The following KIF5C variants were observed in gnomAD, a reference collection of about 807,000 sequenced individuals.
KIF5C encodes kinesin heavy chain isoform 5C.
KIF5C carries 18 observed loss-of-function variants against 125.2 expected under a neutral mutation model. The observed-to-expected ratio is 0.14, with a 90% CI of 0.10 to 0.21. The LOEUF is 0.21. Among genes scored for constraint, KIF5C ranks in the 10% least tolerant of loss-of-function variants. The pLI, the probability that KIF5C is intolerant of heterozygous loss-of-function variation, is 1.00. For missense variants in KIF5C, 780 were observed against 1,183.8 expected, an observed-to-expected ratio of 0.66 and a Z score of 5.01; for synonymous variants, 405 against 434.0, an observed-to-expected ratio of 0.93 and a Z score of 0.83.
At chr2:149,004,653 A>G (rs1210283782) in intron 21 of KIF5C, among the ~76,000 whole-genome samples, 1 of 152,252 alleles carries the variant, frequency 6.6e-6, no homozygotes, top group East Asian at 1.9e-4. Flanking sequence ...AATGGCTTTT[A>G]TGTTATGAAA....
rs767616022 is a variant in KIF5C, at chr2:149,007,944, C to T, written c.2446-19C>T. 1.3e-6 allele frequency: 2 copies of T among 1,572,648 alleles called. No homozygotes were observed. Among genetic ancestry groups the T allele is most frequent in the South Asian group, 1.2e-5 (1 of 85,066 alleles). On this transcript the variant is annotated intron_variant, in intron 22 of 25. Transcript: ENST00000435030. ...GGTGGGTGACAGCCTGTCCTGCTGA[C>T]CCCTTGGTGTCAATGCAGAGTGTGG... is the stretch of plus-strand genomic sequence containing the variant.
intron 3 of KIF5C, among the ~76,000 whole-genome samples, chr2:148,932,799 G>A (rs147303941): frequency 3.3e-5 from 5 of 152,258 alleles, no homozygotes; most frequent in South Asian, 4.1e-4. Flanking sequence ...CTGAACGCAC[G>A]GTGCTCATGT....
rs1019768591 is a variant in KIF5C, at chr2:148,876,356, C to T, written c.126+613C>T. Reference sequence around the variant, plus strand: ...TGGTGGCCTCGGTGTCCCCTGGAGGCCTGGTGTGTCTCCCGCTTCCTCTCA... The same window carrying T: ...TGGTGGCCTCGGTGTCCCCTGGAGGTCTGGTGTGTCTCCCGCTTCCTCTCA... On this transcript the variant is annotated intron_variant, in intron 1 of 25. Coordinates refer to ENST00000435030, the MANE Select transcript of KIF5C (RefSeq NM_004522.3). The surrounding 1 kb of genome is among the most constrained non-coding windows in gnomAD (Gnocchi z 4.7). 6.6e-6 allele frequency among the ~76,000 whole-genome samples: 1 copy of T among 152,282 alleles called. No individual in the cohort carries two copies. Among genetic ancestry groups the T allele is most frequent in the South Asian group, 2.1e-4 (1 of 4,832 alleles).
intron 21 of KIF5C, among the ~76,000 whole-genome samples, chr2:149,001,660 T>C (rs1681854630): frequency 6.6e-6 from 1 of 152,222 alleles, no homozygotes; most frequent in African/African-American, 2.4e-5. Flanking sequence ...TTTCAGCTGC[T>C]CTGTGGGATA....
At chr2:148,987,039 TG>T (rs1232283532) in intron 15 of KIF5C, among the ~76,000 whole-genome samples, 1 of 152,208 alleles carries the variant, frequency 6.6e-6, no homozygotes, top group African/African-American at 2.4e-5. Context: ...TTTTTCATAA[TG>T]GGTTGCAGCC....
chr2:148,942,033 A>G (rs1682421684), intron 6 of KIF5C, 43 bp downstream of exon 6: 2 of 1,598,952 alleles, frequency 1.3e-6, no homozygotes, highest in Non-Finnish European at 1.7e-6. Flanking sequence ...ATTTCTCTCC[A>G]GTCTCTGTCA....
At chr2:148,899,767 C>G (rs1240686015) in intron 1 of KIF5C, among the ~76,000 whole-genome samples, 1 of 149,674 alleles carries the variant, frequency 6.7e-6, no homozygotes, top group African/African-American at 2.5e-5. Context: ...TACCAACAGA[C>G]TCCTTAAAAA....
Position 148,975,934 on chromosome 2 carries a change from T to A in KIF5C, c.1293+2423T>A, listed in dbSNP as rs181928962. 6.6e-5 allele frequency among the ~76,000 whole-genome samples: 10 copies of A among 152,240 alleles called. No individual in the cohort carries two copies. In the East Asian group the frequency reaches 1.9e-3, roughly 29 times the overall value. On this transcript the variant is annotated intron_variant, in intron 12 of 25. Coordinates refer to ENST00000435030, the MANE Select transcript of KIF5C (RefSeq NM_004522.3). ...TAAATATTAGCTTCCTTCTTTCTCC[T>A]GGGCTGGGCTGGGCTCTGCTTACTT...
chr2:148,990,176 G>A (rs1681487943), intron 15 of KIF5C, among the ~76,000 whole-genome samples: 1 of 152,176 alleles, frequency 6.6e-6, no homozygotes, highest in African/African-American at 2.4e-5. Flanking sequence ...TTCAGCGGAT[G>A]GGTTTCTATC....
chr2:148,951,273 T>G (rs1435861376), intron 10 of KIF5C, among the ~76,000 whole-genome samples: 1 of 152,174 alleles, frequency 6.6e-6, no homozygotes, highest in African/African-American at 2.4e-5. Context: ...GTAGGAGGTC[T>G]GGACTGTATG....
At chr2:148,891,397 T>TA (rs200850521) in intron 1 of KIF5C, among the ~76,000 whole-genome samples, 1 of 151,934 alleles carries the variant, frequency 6.6e-6, no homozygotes, top group Non-Finnish European at 1.5e-5. Context: ...TTTTTTTTTT[T>TA]ATTATTATTT....
intron 1 of KIF5C, among the ~76,000 whole-genome samples, chr2:148,909,335 T>C (rs1301975852): frequency 6.6e-6 from 1 of 152,260 alleles, no homozygotes; most frequent in Non-Finnish European, 1.5e-5. Context: ...GCCTCCAGGC[T>C]TCTGCTCTGA....
chr2:148,890,431 T>C (rs1337843706), intron 1 of KIF5C, among the ~76,000 whole-genome samples: 1 of 151,974 alleles, frequency 6.6e-6, no homozygotes, highest in African/African-American at 2.4e-5. Flanking sequence ...AGCCCAGGAA[T>C]TGGAGGCTGC....
At chr2:148,908,562 G>A (rs1008697523) in intron 1 of KIF5C, among the ~76,000 whole-genome samples, 14 of 152,116 alleles carry the variant, frequency 9.2e-5, no homozygotes, top group African/African-American at 3.1e-4. Flanking sequence ...TTACTGGGTG[G>A]CCTTGTGCAA....
At chr2:148,896,386 G>A (rs892244316) in intron 1 of KIF5C, among the ~76,000 whole-genome samples, 6 of 152,190 alleles carry the variant, frequency 3.9e-5, no homozygotes, top group African/African-American at 1.2e-4. Flanking sequence ...GGACCTTGAA[G>A]CCTGAGTATT....
chr2:148,880,721 G>C (rs1207813114), intron 1 of KIF5C, among the ~76,000 whole-genome samples: 4 of 152,092 alleles, frequency 2.6e-5, no homozygotes, highest in Non-Finnish European at 5.9e-5. Flanking sequence ...TCATTCCTCT[G>C]TGCCCTAAAT....
intron 16 of KIF5C, among the ~76,000 whole-genome samples, chr2:148,991,560 A>G (rs1681527233): frequency 6.6e-6 from 1 of 152,100 alleles, no homozygotes; most frequent in Admixed American, 6.5e-5. Context: ...ATATGGAAAA[A>G]CAGAAACTAC....
At chr2:148,976,692 A>T (rs981551203) in intron 12 of KIF5C, among the ~76,000 whole-genome samples, 1 of 152,008 alleles carries the variant, frequency 6.6e-6, no homozygotes. Flanking sequence ...CACCTGCCTC[A>T]GCCTCCTGAG....
At chr2:149,019,653 T>A (rs1439942651) in intron 25 of KIF5C, among the ~76,000 whole-genome samples, 2 of 152,176 alleles carry the variant, frequency 1.3e-5, no homozygotes, top group Non-Finnish European at 2.9e-5. Context: ...ATGAGATAAA[T>A]CCACTTCTAT....
Sources: gnomAD v4.1 joint callset for allele counts (sites outside exome capture counted in the v4.1 genomes callset) on GRCh38, gnomAD v4.1.1 for gene constraint, Gnocchi (gnomAD v3.1) non-coding constraint, MANE v1.5 for transcripts, NCBI Gene and HGNC (gene_info 2026-07-23, HGNC 2026-07-21) for gene names.